Variants in MAOA observed in about 807,000 individuals in gnomAD.
MAOA encodes monoamine oxidase A, also known as amine oxidase [flavin-containing] A.
In MAOA, 6 loss-of-function variants were observed where a neutral mutation model predicts 42.0. The observed-to-expected ratio is 0.14, with a 90% confidence interval of 0.08 to 0.28. The LOEUF (loss-of-function observed/expected upper bound fraction) is 0.28. MAOA is among the 10% of genes least tolerant of loss of function. The pLI, the probability that MAOA is intolerant of heterozygous loss-of-function variation, is 1.00. For synonymous variants in MAOA, 140 were observed against 154.0 expected (o/e 0.91, Z 0.67); for missense variants, 262 against 422.3 (o/e 0.62, Z 3.33).
chrX:43,709,035 A>AT (rs1173410672), intron 3 of MAOA, among the ~76,000 whole-genome samples: 3 of 109,656 alleles, frequency 2.7e-5, no homozygotes, highest in Non-Finnish European at 5.7e-5. Context: ...TAATTTTCGT[A>AT]TTTTTTTAAG....
Position 43,693,388 on chromosome X carries a change from A to G in MAOA, c.266A>G (p.Tyr89Cys), listed in dbSNP as rs2033551680. 8.3e-7 allele frequency: 1 copy of G among 1,209,715 alleles called. No homozygotes were observed. The highest frequency in any genetic ancestry group is 1.7e-5 in the African/African-American group (1 of 57,200). Reference protein sequence around the residue: ...RLSKELGIETYKVNVSERLVQ... With the variant: ...RLSKELGIETCKVNVSERLVQ... ...TCTAAGGAGCTGGGCATAGAGACTT[A>G]CAAAGTGAATGTCAGTGAGCGTCTC... is the stretch of plus-strand genomic sequence containing the variant. The change falls in exon 3 of 15, where the codon TAC (tyrosine) becomes TGC (cysteine). Residue 89 changes from tyrosine (Y) to cysteine (C), a missense_variant. Coordinates refer to ENST00000338702, the MANE Select transcript of MAOA (RefSeq NM_000240.4).
chrX:43,693,948 A>G (rs1422880979), intron 3 of MAOA, among the ~76,000 whole-genome samples: 1 of 111,378 alleles, frequency 9.0e-6, no homozygotes, highest in East Asian at 2.8e-4. Context: ...CATTATTTGG[A>G]ATGCTTCATT....
At chrX:43,729,077 A>T (rs2033860921) in intron 6 of MAOA, among the ~76,000 whole-genome samples, 1 of 112,337 alleles carries the variant, frequency 8.9e-6, no homozygotes, top group Admixed American at 9.4e-5. Context: ...CTGAATTCTG[A>T]GTGCACAGTA....
At chrX:43,684,168 T>C (rs774686578) in intron 2 of MAOA, among the ~76,000 whole-genome samples, 14 of 112,018 alleles carry the variant, frequency 1.2e-4, no homozygotes, top group African/African-American at 4.2e-4. Flanking sequence ...CCAGAGATAC[T>C]CCTCAGGTCG....
chrX:43,657,084 CTG>C (rs10560402), intron 1 of MAOA, among the ~76,000 whole-genome samples: 22,098 of 71,096 alleles, frequency 0.31, 3,456 homozygotes, highest in South Asian at 0.54. Flanking sequence ...TAAACTATTC[CTG>C]TGTGTGTGTG....
intron 3 of MAOA, among the ~76,000 whole-genome samples, chrX:43,708,056 G>A (rs1265464720): frequency 8.9e-6 from 1 of 111,787 alleles, no homozygotes; most frequent in Admixed American, 9.5e-5. Flanking sequence ...GTGAACATTA[G>A]TAGATTGAAG....
Position 43,744,391 on chromosome X carries a change from C to T in MAOA, c.1462C>T (p.His488Tyr). Residue 488 changes from histidine (H) to tyrosine (Y), a missense_variant, in exon 15 of 15, where the codon CAC becomes TAC. His to Tyr is a moderately conservative substitution (Grantham distance 83). Transcript: ENST00000338702. ...SKDVPAVEITHTFWERNLPSV... is the reference protein window; with the variant it reads ...SKDVPAVEITYTFWERNLPSV... ...GGACGTTCCAGCGGTAGAAATCACC[C>T]ACACCTTCTGGGAAAGGAACCTGCC... is the stretch of plus-strand genomic sequence containing the variant. 1 of 1,210,888 alleles carries T rather than the reference C, an allele frequency of 8.3e-7. No individual in the cohort carries two copies. The highest frequency in any genetic ancestry group is 1.1e-6 in the Non-Finnish European group (1 of 895,030).
intron 5 of MAOA, among the ~76,000 whole-genome samples, chrX:43,721,381 A>G (rs2033787434): frequency 1.8e-5 from 2 of 111,791 alleles, no homozygotes; most frequent in African/African-American, 6.5e-5. Flanking sequence ...CTAGAGGCTG[A>G]TAGTGCAGGA....
intron 5 of MAOA, among the ~76,000 whole-genome samples, chrX:43,716,367 AGGAGGGG>A (rs2033744162): frequency 9.0e-6 from 1 of 111,515 alleles, no homozygotes; most frequent in Admixed American, 9.5e-5. Flanking sequence ...AAATTGAGGA[AGGAGGGG>A]AATGATGGAT....
chrX:43,684,874 CTTTTTTTTT>C (rs201207592), intron 2 of MAOA, among the ~76,000 whole-genome samples: 2 of 59,638 alleles, frequency 3.4e-5, no homozygotes, highest in African/African-American at 5.8e-5. Flanking sequence ...CTTTTCTTTT[CTTTTTTTTT>C]TTTTTTTTTT....
chrX:43,732,626 A>G (rs756836504), intron 8 of MAOA, 73 bp from the exon 9 acceptor site: 3 of 696,510 alleles, frequency 4.3e-6, no homozygotes, highest in Non-Finnish European at 7.0e-6. Context: ...AATAGTTTAT[A>G]TATATTTATG....
intron 10 of MAOA, 24 bp from the exon 11 acceptor site, chrX:43,740,657 T>A (rs764692233): frequency 8.6e-7 from 1 of 1,163,128 alleles, no homozygotes; most frequent in Non-Finnish European, 1.1e-6. Context: ...TTTATTTTTT[T>A]TTTTTTTTGG....
intron 2 of MAOA, among the ~76,000 whole-genome samples, chrX:43,686,645 A>C (rs2033490260): frequency 9.0e-6 from 1 of 110,966 alleles, no homozygotes. Flanking sequence ...CTAAAAATAC[A>C]AAAAGTAGCC....
chrX:43,676,622 T>A (rs778941955), intron 1 of MAOA, among the ~76,000 whole-genome samples: 2 of 112,048 alleles, frequency 1.8e-5, no homozygotes, highest in East Asian at 5.6e-4. Context: ...ATAAACTCTA[T>A]TCATTCATTA....
chrX:43,722,024 C>CT (rs1318570277), intron 5 of MAOA, among the ~76,000 whole-genome samples: 1 of 111,605 alleles, frequency 9.0e-6, no homozygotes, highest in African/African-American at 3.3e-5. Flanking sequence ...TGAACTCATC[C>CT]TTTTTTTATG....
At chrX:43,738,556 C>T (rs971364562) in intron 10 of MAOA, among the ~76,000 whole-genome samples, 3 of 111,915 alleles carry the variant, frequency 2.7e-5, no homozygotes, top group Non-Finnish European at 5.6e-5. Flanking sequence ...CGCATTGGCT[C>T]ACACCTGTAA....
At position 43,662,748 on chromosome X, in the gene MAOA, C is replaced by A. The variant is rs942799523; in HGVS notation, c.73+6334C>A. Among the ~76,000 whole-genome samples the A allele has an allele frequency of 5.4e-5, 6 of 110,494 alleles. No homozygotes were observed. The Admixed American group carries it at 5.8e-4, about 11-fold the overall frequency. ...CCCTGTGATTTAGAAAGTGTAGACA[C>A]CCGATAAATAGTTGTTAAGGAATAT... On this transcript the variant is annotated intron_variant, in intron 1 of 14. Coordinates refer to ENST00000338702, the MANE Select transcript of MAOA (RefSeq NM_000240.4).
At chrX:43,656,914 C>T (rs1601921430) in intron 1 of MAOA, among the ~76,000 whole-genome samples, 2 of 109,474 alleles carry the variant, frequency 1.8e-5, no homozygotes, top group South Asian at 7.9e-4. Flanking sequence ...CTAAACAGAA[C>T]ATCAGGATAC....
chrX:43,714,049 G>A (rs1263758203), intron 5 of MAOA, among the ~76,000 whole-genome samples: 3 of 111,458 alleles, frequency 2.7e-5, no homozygotes, highest in Non-Finnish European at 5.7e-5. Flanking sequence ...AGGGTTGATA[G>A]TAGTGGGGCA....
Sources: allele counts gnomAD v4.1 joint callset (sites outside exome capture counted in the v4.1 genomes callset), GRCh38; gene constraint gnomAD v4.1.1; transcripts MANE v1.5; gene names NCBI Gene and HGNC (gene_info 2026-07-23, HGNC 2026-07-21).